Variants in RPS6KA3 observed in about 807,000 individuals in gnomAD.
RPS6KA3 encodes ribosomal protein S6 kinase A3, also known as ribosomal protein S6 kinase alpha-3.
A neutral mutation model predicts 67.2 loss-of-function variants in RPS6KA3; 4 were observed. That is an observed-to-expected ratio of 0.06 (90% CI 0.03 to 0.14). The LOEUF (loss-of-function observed/expected upper bound fraction) is 0.14. RPS6KA3 is among the 10% of genes least tolerant of loss of function. The pLI is 1.00. For missense variants in RPS6KA3, 204 were observed against 559.0 expected (o/e 0.36, Z 6.40); for synonymous variants, 182 against 183.7 (o/e 0.99, Z 0.07).
At chrX:20,266,474 C>T in intron 1 of RPS6KA3, 90 bp downstream of exon 1, 1 of 764,876 alleles carries the variant, frequency 1.3e-6, no homozygotes, top group African/African-American at 2.1e-5. Context: ...GGGATCAGAA[C>T]GGGCCGAGTG....
intron 1 of RPS6KA3, chrX:20,265,876 A>G (rs1281430069): frequency 9.0e-6 from 1 of 110,539 alleles, no homozygotes; most frequent in African/African-American, 3.3e-5. Context: ...ATCTCCTTGA[A>G]TATCACCCTC....
intron 1 of RPS6KA3, among the ~76,000 whole-genome samples, chrX:20,263,151 A>T (rs1295559797): frequency 8.9e-6 from 1 of 112,077 alleles, no homozygotes; most frequent in Non-Finnish European, 1.9e-5. Context: ...TATAAAACAA[A>T]AATAACCTCC....
chrX:20,187,256 T>C (rs1421884047), intron 9 of RPS6KA3, among the ~76,000 whole-genome samples: 5 of 110,947 alleles, frequency 4.5e-5, no homozygotes, highest in Non-Finnish European at 7.6e-5. Context: ...TCTCGCTCTG[T>C]TGCCCAGGCT....
At chrX:20,175,659 G>A (rs188508338) in intron 13 of RPS6KA3, among the ~76,000 whole-genome samples, 27 of 111,509 alleles carry the variant, frequency 2.4e-4, no homozygotes, top group Admixed American at 5.7e-4. Flanking sequence ...GCAGCTTTTC[G>A]ACATTTGAAA....
rs185148476 is a variant in RPS6KA3 at position 20,263,056 on chromosome X, G to A, written c.69+3508C>T. Among the ~76,000 whole-genome samples the A allele has an allele frequency of 4.3e-3, 477 of 111,638 alleles. 10 individuals are homozygous for A. The highest frequency in any genetic ancestry group is 0.04 in the Admixed American group (426 of 10,546). ...GGGTACCTGTTATTTAAAGGAAGTC[G>A]AGGTAGCTATTTTCATACAACACAT... On this transcript the variant is annotated intron_variant, in intron 1 of 21. Coordinates refer to ENST00000379565, the MANE Select transcript of RPS6KA3 (RefSeq NM_004586.3).
chrX:20,172,670 G>A (rs973047999), intron 15 of RPS6KA3, 76 bp downstream of exon 15: 1 of 882,052 alleles, frequency 1.1e-6, no homozygotes, highest in African/African-American at 2.0e-5. Flanking sequence ...ACAACAAGGG[G>A]AGTGTAATTT....
chrX:20,259,441 AAATT>A (rs941730601), intron 1 of RPS6KA3, among the ~76,000 whole-genome samples: 2 of 112,060 alleles, frequency 1.8e-5, no homozygotes, highest in African/African-American at 6.5e-5. Flanking sequence ...ACTTTTATTT[AAATT>A]ATTATTAAAT....
Position 20,152,308 on chromosome X carries a change from A to G in RPS6KA3, c.*3090T>C, listed in dbSNP as rs757723941. On this transcript the variant is annotated 3_prime_UTR_variant, in exon 22 of 22. Transcript: ENST00000379565. The stretch of plus-strand genomic sequence containing the variant: ...GAAAAAGCTGAAATGATTTATAAAA[A>G]ACAAAAATTAAAAAAGGATGAAAAA... The G allele has an allele frequency of 8.9e-6, 1 of 112,678 alleles. No individual in the cohort carries two copies. The highest frequency in any genetic ancestry group is 9.5e-5 in the Admixed American group (1 of 10,561). The allele number at this position is 112,678 out of a possible 1,213,427, so 9.3% of individuals were successfully genotyped here. A position where few individuals can be genotyped will look rare whatever the true frequency, so the allele number is the denominator to read the frequency against.
At chrX:20,228,220 A>G (rs2069170979) in intron 2 of RPS6KA3, among the ~76,000 whole-genome samples, 1 of 111,979 alleles carries the variant, frequency 8.9e-6, no homozygotes, top group Non-Finnish European at 1.9e-5. Flanking sequence ...ACTTCCTCAA[A>G]TAACTGGTGA....
chrX:20,216,486 A>AAAT (rs768599765), intron 2 of RPS6KA3, among the ~76,000 whole-genome samples: 1 of 111,417 alleles, frequency 9.0e-6, no homozygotes, highest in Admixed American at 9.6e-5. Flanking sequence ...ACAACAGACC[A>AAAT]AATAATAATA....
At chrX:20,258,434 T>A (rs758762348) in intron 1 of RPS6KA3, among the ~76,000 whole-genome samples, 1 of 112,293 alleles carries the variant, frequency 8.9e-6, no homozygotes, top group South Asian at 3.6e-4. Flanking sequence ...TGAAGATTTA[T>A]CCCAAACCAC....
chrX:20,197,350 A>C (rs1260898279), intron 4 of RPS6KA3, among the ~76,000 whole-genome samples: 1 of 112,528 alleles, frequency 8.9e-6, no homozygotes, highest in East Asian at 2.8e-4. Flanking sequence ...TCTGCTCAGT[A>C]AGCATCAAAA....
rs1389272501 is a variant in RPS6KA3 at position 20,242,506 on chromosome X, T to C, written c.70-7692A>G. ...TAATTACTGAATGGCAGAAGCAGGA[T>C]TCAAACCCAGATCTTTTTAGCTCCG... On this transcript the variant is annotated intron_variant, in intron 1 of 21. Transcript: ENST00000379565. Among the ~76,000 whole-genome samples the C allele has an allele frequency of 5.4e-5, 6 of 111,616 alleles. No homozygotes were observed. In the Admixed American group the frequency reaches 5.7e-4, roughly 11 times the overall value.
intron 1 of RPS6KA3, among the ~76,000 whole-genome samples, chrX:20,259,288 G>T (rs1029186507): frequency 3.6e-5 from 4 of 111,441 alleles, no homozygotes; most frequent in African/African-American, 1.3e-4. Flanking sequence ...GCATATAAGA[G>T]AATTTTTAAA....
chrX:20,208,298 C>A (rs1316353109), intron 3 of RPS6KA3, among the ~76,000 whole-genome samples: 2 of 110,789 alleles, frequency 1.8e-5, no homozygotes, highest in Non-Finnish European at 3.8e-5. Flanking sequence ...CTGGTCTAAA[C>A]AGATCAAGCA....
In RPS6KA3 at chrX:20,247,270, T is replaced by C. The variant is rs758379740; in HGVS notation, c.70-12456A>G. 3.6e-5 allele frequency among the ~76,000 whole-genome samples: 4 copies of C among 109,814 alleles called. 1 individual carries two copies. In the South Asian group the frequency reaches 1.2e-3, roughly 32 times the overall value. ...GTGAAACTCTGTCTCTACCAAAAAA[T>C]ACAAAAATTAGCTGGGCGTGGTGGC... is the stretch of plus-strand genomic sequence containing the variant. On this transcript the variant is annotated intron_variant, in intron 1 of 21. Transcript: ENST00000379565.
At chrX:20,251,951 T>C (rs981129351) in intron 1 of RPS6KA3, among the ~76,000 whole-genome samples, 1 of 112,218 alleles carries the variant, frequency 8.9e-6, no homozygotes, top group Non-Finnish European at 1.9e-5. Context: ...GGGACTCTGA[T>C]GACATAAATG....
chrX:20,157,373 A>G (rs1981902220), intron 20 of RPS6KA3, among the ~76,000 whole-genome samples: 1 of 107,107 alleles, frequency 9.3e-6, no homozygotes. Flanking sequence ...GTGTGGTGGC[A>G]TATGCCTGAG....
At chrX:20,171,741 G>C (rs2067579082) in intron 15 of RPS6KA3, among the ~76,000 whole-genome samples, 1 of 111,852 alleles carries the variant, frequency 8.9e-6, no homozygotes, top group Admixed American at 9.5e-5. Flanking sequence ...TGTATTTATG[G>C]AGGCAAGACA....
Sources: allele counts gnomAD v4.1 joint callset (sites outside exome capture counted in the v4.1 genomes callset), GRCh38; gene constraint gnomAD v4.1.1; transcripts MANE v1.5; gene names NCBI Gene and HGNC (gene_info 2026-07-23, HGNC 2026-07-21).